Variants in TENM3 observed in about 807,000 individuals in gnomAD.
TENM3 encodes the protein teneurin transmembrane protein 3.
Under a neutral mutation model 255.1 loss-of-function variants are expected in TENM3, and 63 were observed. The observed-to-expected ratio is 0.25, with a 90% CI of 0.20 to 0.30. The LOEUF is 0.30. Among genes scored for constraint, TENM3 ranks in the 10% least tolerant of loss-of-function variants. The pLI, the probability that TENM3 is intolerant of heterozygous loss-of-function variation, is 1.00. For missense variants in TENM3, 2,929 were observed against 3,461.1 expected (o/e 0.85, Z 3.86); for synonymous variants, 1,306 against 1,322.3 (o/e 0.99, Z 0.27).
chr4:181,919,216 C>T, the TENM3 span, among the ~76,000 whole-genome samples: 1 of 152,050 alleles, frequency 6.6e-6, no homozygotes, highest in South Asian at 2.1e-4. Flanking sequence ...AGGGTAGCCA[C>T]CCAAAATGTT....
At chr4:182,169,356 TG>T in intron 1 of TENM3, 1 of 470,192 alleles carries the variant, frequency 2.1e-6, no homozygotes. Context: ...TCAACTCTAA[TG>T]GGAGAGACAG....
chr4:182,187,218 G>A (rs1214782472), intron 1 of TENM3, among the ~76,000 whole-genome samples: 1 of 152,014 alleles, frequency 6.6e-6, no homozygotes, highest in African/African-American at 2.4e-5. Flanking sequence ...TACAAGAACA[G>A]AAATCTTTTG....
chr4:182,011,183 G>T, the TENM3 span, among the ~76,000 whole-genome samples: 1 of 152,150 alleles, frequency 6.6e-6, no homozygotes, highest in African/African-American at 2.4e-5. Flanking sequence ...ACTTGAAAGT[G>T]TCCACTCATA....
chr4:181,886,955 G>A, the TENM3 span, among the ~76,000 whole-genome samples: 4 of 152,044 alleles, frequency 2.6e-5, no homozygotes, highest in Non-Finnish European at 5.9e-5. Context: ...TTGAGCCAAC[G>A]TAAATAAAAT....
At chr4:181,499,035 T>C in the TENM3 span, among the ~76,000 whole-genome samples, 1 of 152,224 alleles carries the variant, frequency 6.6e-6, no homozygotes, top group African/African-American at 2.4e-5. Context: ...TCCATTCTAC[T>C]CTGGTTTAAC....
At chr4:181,871,416 A>G in the TENM3 span, among the ~76,000 whole-genome samples, 1 of 151,954 alleles carries the variant, frequency 6.6e-6, no homozygotes, top group African/African-American at 2.4e-5. Flanking sequence ...ATCTTTTATA[A>G]TATTTTGTAT....
the TENM3 span, among the ~76,000 whole-genome samples, chr4:181,867,620 C>A: frequency 1.3e-5 from 2 of 152,218 alleles, no homozygotes; most frequent in African/African-American, 4.8e-5. Flanking sequence ...TTGCTTGTTA[C>A]ATGACTGAGC....
At chr4:181,673,630 G>A in the TENM3 span, among the ~76,000 whole-genome samples, 170 of 152,190 alleles carry the variant, frequency 1.1e-3, 1 homozygote, top group Non-Finnish European at 1.9e-3. Flanking sequence ...CCAGAACATC[G>A]TGTTTGAAAG....
At chr4:181,613,285 T>C in the TENM3 span, among the ~76,000 whole-genome samples, 7 of 152,316 alleles carry the variant, frequency 4.6e-5, no homozygotes, top group South Asian at 1.5e-3. Flanking sequence ...ATTTGAGACA[T>C]GTTTTCTGCC....
chr4:182,623,426 C>T (rs1382579744), intron 4 of TENM3, among the ~76,000 whole-genome samples: 1 of 152,088 alleles, frequency 6.6e-6, no homozygotes, highest in African/African-American at 2.4e-5. Flanking sequence ...CCCCAGCCTC[C>T]CTAGCAGCTG....
rs547629838 is a variant in TENM3 at position 182,267,998 on chromosome 4, AG to A, written c.-76+24525del. On this transcript the variant is annotated intron_variant, in intron 1 of 27. Coordinates refer to ENST00000511685, the MANE Select transcript of TENM3 (RefSeq NM_001080477.4). ...CTGACTGTTACTCAGAAGAGACAAG[AG>A]GGATGGGTAATGTAGAAATCTGATC... Among the ~76,000 whole-genome samples the A allele has an allele frequency of 5.3e-5, 8 of 152,314 alleles. No individual in the cohort carries two copies. In the South Asian group the frequency reaches 1.2e-3, roughly 24 times the overall value.
chr4:182,064,131 G>A, the TENM3 span, among the ~76,000 whole-genome samples: 4 of 151,542 alleles, frequency 2.6e-5, no homozygotes, highest in African/African-American at 9.7e-5. Context: ...TTTCTTGTTG[G>A]GCATTGTAAA....
At chr4:182,143,156 GA>G (rs1368083631), upstream of TENM3, 1 of 167,224 alleles carries the variant, frequency 6.0e-6, no homozygotes, top group African/African-American at 2.4e-5. This position sits in a 1 kb window ranked among gnomAD's most constrained non-coding sequence, Gnocchi z 4.3. Flanking sequence ...GGAGAATGGA[GA>G]GGAAAGAAGA....
chr4:182,487,743 G>C (rs1225607761), intron 3 of TENM3, among the ~76,000 whole-genome samples: 1 of 152,170 alleles, frequency 6.6e-6, no homozygotes. Context: ...ATAATCACAT[G>C]ATAGATGCTT....
At chr4:181,777,746 T>A in the TENM3 span, among the ~76,000 whole-genome samples, 1 of 152,148 alleles carries the variant, frequency 6.6e-6, no homozygotes, top group Non-Finnish European at 1.5e-5. Flanking sequence ...TAGAAATTTT[T>A]AAATATGTCA....
At chr4:182,244,042 C>T (rs942266913) in intron 1 of TENM3, among the ~76,000 whole-genome samples, 2 of 150,894 alleles carry the variant, frequency 1.3e-5, no homozygotes, top group African/African-American at 4.9e-5. Context: ...CAAGCTCCGC[C>T]TCCCGGGTTC....
At chr4:181,795,030 C>A in the TENM3 span, among the ~76,000 whole-genome samples, 2 of 152,156 alleles carry the variant, frequency 1.3e-5, no homozygotes, top group Admixed American at 1.3e-4. Context: ...CAATAGCCTA[C>A]AATCCCTTGT....
the TENM3 span, among the ~76,000 whole-genome samples, chr4:182,036,601 G>A: frequency 6.6e-6 from 1 of 152,122 alleles, no homozygotes; most frequent in African/African-American, 2.4e-5. Flanking sequence ...CTAAACAATG[G>A]AATGAATAAA....
chr4:181,490,509 A>C, the TENM3 span, among the ~76,000 whole-genome samples: 286 of 152,324 alleles, frequency 1.9e-3, 1 homozygote, highest in Non-Finnish European at 2.4e-3. Context: ...AATACAATAA[A>C]GCATGGCATT....
Sources: allele counts gnomAD v4.1 joint callset (sites outside exome capture counted in the v4.1 genomes callset), GRCh38; gene constraint gnomAD v4.1.1; non-coding constraint Gnocchi (gnomAD v3.1); transcripts MANE v1.5; gene names NCBI Gene and HGNC (gene_info 2026-07-23, HGNC 2026-07-21).